The following ANKRD55 variants were observed in gnomAD, a reference collection of about 807,000 sequenced individuals.
ANKRD55 encodes the protein ankyrin repeat domain 55.
ANKRD55 carries 41 observed loss-of-function variants against 60.6 expected under a neutral mutation model. That is an observed-to-expected ratio of 0.68 (90% CI 0.53 to 0.88). The LOEUF is 0.88. ANKRD55 is among the 40% of genes least tolerant of loss of function. ANKRD55 has a pLI of 0.00. For missense variants in ANKRD55, 732 were observed against 767.6 expected (o/e 0.95, Z 0.55); for synonymous variants, 264 against 290.3 (o/e 0.91, Z 0.92).
intron 2 of ANKRD55, among the ~76,000 whole-genome samples, chr5:56,209,061 G>A (rs139100429): frequency 1.3e-5 from 2 of 151,634 alleles, no homozygotes; most frequent in Non-Finnish European, 2.9e-5. Flanking sequence ...GGGTTCAAGC[G>A]ATTCTCCTGC....
intron 3 of ANKRD55, among the ~76,000 whole-genome samples, chr5:56,178,009 G>A (rs1473577876): frequency 6.6e-6 from 1 of 151,838 alleles, no homozygotes; most frequent in Non-Finnish European, 1.5e-5. Flanking sequence ...ATTATGTATT[G>A]ATTGAGCATA....
At position 56,221,338 on chromosome 5, in the gene ANKRD55, T is replaced by C. The variant is rs557387661; in HGVS notation, c.58+11518A>G. On this transcript the variant is annotated intron_variant, in intron 2 of 11. Transcript: ENST00000341048. ...TAGCATTCCCATTTTAGATGAGCAG[T>C]TGGATTTAAAACCTGCACATTGAGG... Among the ~76,000 whole-genome samples, 5 of 152,270 alleles carry C rather than the reference T, an allele frequency of 3.3e-5. No individual in the cohort carries two copies. The East Asian group carries it at 7.7e-4, about 24-fold the overall frequency.
At chr5:56,182,418 T>A (rs1336421227) in intron 3 of ANKRD55, among the ~76,000 whole-genome samples, 1 of 152,356 alleles carries the variant, frequency 6.6e-6, no homozygotes, top group Admixed American at 6.5e-5. Context: ...TTTTGATTTT[T>A]AAAAATTCTC....
chr5:56,173,943 C>A (rs1758680969), intron 4 of ANKRD55, among the ~76,000 whole-genome samples: 1 of 152,058 alleles, frequency 6.6e-6, no homozygotes, highest in Non-Finnish European at 1.5e-5. Context: ...TTCTAAGTGT[C>A]CCGTTTGCGA....
chr5:56,212,155 A>C (rs1759691247), intron 2 of ANKRD55, among the ~76,000 whole-genome samples: 1 of 152,086 alleles, frequency 6.6e-6, no homozygotes, highest in Non-Finnish European at 1.5e-5. Context: ...ATTCTACTGG[A>C]TCAATTTCAG....
At chr5:56,132,703 C>T (rs6861911) in intron 7 of ANKRD55, among the ~76,000 whole-genome samples, 7,837 of 151,504 alleles carry the variant, frequency 0.052, 686 homozygotes, top group African/African-American at 0.18. Context: ...TCTAAATGTA[C>T]CAATCAAAAG....
At chr5:56,103,817 T>A (rs1172450608) in intron 10 of ANKRD55, among the ~76,000 whole-genome samples, 1 of 152,172 alleles carries the variant, frequency 6.6e-6, no homozygotes, top group African/African-American at 2.4e-5. Flanking sequence ...GGTCTTCTGT[T>A]GGAGCAAAAT....
chr5:56,123,404 C>T (rs1030092530), intron 8 of ANKRD55, among the ~76,000 whole-genome samples: 1 of 152,124 alleles, frequency 6.6e-6, no homozygotes, highest in Non-Finnish European at 1.5e-5. Context: ...TCCTGTTATG[C>T]TAGAAGCAGC....
intron 2 of ANKRD55, among the ~76,000 whole-genome samples, chr5:56,215,516 G>A (rs1759782307): frequency 6.6e-6 from 1 of 152,220 alleles, no homozygotes; most frequent in Non-Finnish European, 1.5e-5. Flanking sequence ...AAATCACAGA[G>A]GGAGTCGGGC....
Position 56,194,264 on chromosome 5 carries a change from C to A in ANKRD55, c.59-10630G>T, listed in dbSNP as rs1581013609. On this transcript the variant is annotated intron_variant, in intron 2 of 11. Transcript: ENST00000341048. Reference sequence around the variant, plus strand: ...TGGGGAGGCGGAGCTTGCAGTGAGCCGAGATCGCACCATTGCACTCCAGCC... The same window carrying A: ...TGGGGAGGCGGAGCTTGCAGTGAGCAGAGATCGCACCATTGCACTCCAGCC... Among the ~76,000 whole-genome samples, 5 of 148,282 alleles carry A rather than the reference C, an allele frequency of 3.4e-5. No homozygotes were observed. In the South Asian group the frequency reaches 1.1e-3, roughly 32 times the overall value.
At chr5:56,203,631 C>T (rs1759431301) in intron 2 of ANKRD55, among the ~76,000 whole-genome samples, 1 of 152,116 alleles carries the variant, frequency 6.6e-6, no homozygotes, top group South Asian at 2.1e-4. Flanking sequence ...TGATGGTTTC[C>T]AGCTTCATCC....
At chr5:56,184,139 G>T (rs563436810) in intron 2 of ANKRD55, among the ~76,000 whole-genome samples, 1 of 152,284 alleles carries the variant, frequency 6.6e-6, no homozygotes, top group South Asian at 2.1e-4. Context: ...CTCCACCCAG[G>T]CTCCCTCACC....
chr5:56,174,786 C>G (rs1269670891), intron 4 of ANKRD55, among the ~76,000 whole-genome samples: 5 of 147,956 alleles, frequency 3.4e-5, no homozygotes, highest in Admixed American at 1.4e-4. Flanking sequence ...GAGCTGAGAT[C>G]GCACCACTGC....
chr5:56,117,803 T>C (rs551829869), intron 8 of ANKRD55, among the ~76,000 whole-genome samples: 3 of 152,352 alleles, frequency 2.0e-5, no homozygotes, highest in Admixed American at 6.5e-5. Context: ...AAAATCACAT[T>C]TAATTCCTTA....
chr5:56,147,669 T>C (rs932403642), intron 6 of ANKRD55, among the ~76,000 whole-genome samples: 2 of 152,188 alleles, frequency 1.3e-5, no homozygotes. Flanking sequence ...TTGTGCAATA[T>C]AAATGGGCTG....
chr5:56,204,264 A>G (rs935073417), intron 2 of ANKRD55, among the ~76,000 whole-genome samples: 2 of 151,982 alleles, frequency 1.3e-5, no homozygotes, highest in Non-Finnish European at 2.9e-5. Flanking sequence ...ATTTTCTCCC[A>G]TTTTGTAGGT....
chr5:56,159,993 A>G (rs1758286139), intron 5 of ANKRD55, 100 bp from the exon 6 acceptor site: 1 of 980,212 alleles, frequency 1.0e-6, no homozygotes, highest in East Asian at 2.5e-5. Flanking sequence ...CGTCAGTTGA[A>G]AGACTCCAAA....
chr5:56,164,946 A>C (rs1758414524), intron 5 of ANKRD55, among the ~76,000 whole-genome samples: 1 of 152,166 alleles, frequency 6.6e-6, no homozygotes, highest in Non-Finnish European at 1.5e-5. Flanking sequence ...ATGCAGATTC[A>C]TACTGTTTGG....
chr5:56,151,827 C>CTA (rs59813170), intron 6 of ANKRD55, among the ~76,000 whole-genome samples: 120,434 of 144,354 alleles, frequency 0.83, 50,394 homozygotes, highest in African/African-American at 0.87. Context: ...AAAAAAAAAT[C>CTA]TATATATATA....
Sources: allele counts gnomAD v4.1 joint callset (sites outside exome capture counted in the v4.1 genomes callset), GRCh38; gene constraint gnomAD v4.1.1; transcripts MANE v1.5; gene names NCBI Gene and HGNC (gene_info 2026-07-23, HGNC 2026-07-21).